The following DACH2 variants were observed in gnomAD, a reference collection of about 807,000 sequenced individuals.
DACH2 encodes dachshund family transcription factor 2.
DACH2 carries 17 observed loss-of-function variants against 35.8 expected under a neutral mutation model. The observed-to-expected ratio is 0.48, with a 90% CI of 0.33 to 0.71. DACH2 has a LOEUF of 0.71. DACH2 is among the 30% of genes least tolerant of loss of function. The pLI, the probability that DACH2 is intolerant of heterozygous loss-of-function variation, is 0.02. For missense variants in DACH2, 469 were observed against 472.7 expected (o/e 0.99, Z 0.07); for synonymous variants, 195 against 177.3 (o/e 1.10, Z -0.79).
chrX:86,154,462 C>T (rs1336911535), intron 1 of DACH2, among the ~76,000 whole-genome samples: 1 of 111,367 alleles, frequency 9.0e-6, no homozygotes, highest in Non-Finnish European at 1.9e-5. Flanking sequence ...CCATCTCAAC[C>T]TGCAAAACTC....
At chrX:86,397,287 T>G (rs2036315679) in intron 2 of DACH2, among the ~76,000 whole-genome samples, 1 of 111,774 alleles carries the variant, frequency 8.9e-6, no homozygotes, top group South Asian at 3.8e-4. Context: ...AAGGAGATTT[T>G]GGGCTGAGAC....
chrX:86,296,689 A>G (rs1314181196), intron 1 of DACH2, among the ~76,000 whole-genome samples: 1 of 111,359 alleles, frequency 9.0e-6, no homozygotes, highest in Non-Finnish European at 1.9e-5. Context: ...TTTGAGATGT[A>G]CACATACATA....
At chrX:86,177,764 C>A (rs145126488) in intron 1 of DACH2, among the ~76,000 whole-genome samples, 2,100 of 110,947 alleles carry the variant, frequency 0.019, 61 homozygotes, top group African/African-American at 0.065. Flanking sequence ...TATTAAGACT[C>A]TTGTTTAGGG....
At chrX:86,563,220 G>C (rs2039249005) in intron 3 of DACH2, among the ~76,000 whole-genome samples, 1 of 110,166 alleles carries the variant, frequency 9.1e-6, no homozygotes, top group African/African-American at 3.3e-5. Context: ...AAATAGTAGG[G>C]AGTTTTAAAG....
chrX:86,779,420 T>A (rs753440169), intron 7 of DACH2, among the ~76,000 whole-genome samples: 24 of 110,997 alleles, frequency 2.2e-4, no homozygotes, highest in Non-Finnish European at 3.2e-4. Context: ...ATTAAAGGGG[T>A]CCAGATCATG....
At chrX:86,301,171 A>G (rs2034568396) in intron 1 of DACH2, among the ~76,000 whole-genome samples, 1 of 112,104 alleles carries the variant, frequency 8.9e-6, no homozygotes, top group Admixed American at 9.5e-5. Flanking sequence ...TTTCTCTTAC[A>G]TCAGTCATGG....
At chrX:86,328,968 A>G (rs771526709) in intron 1 of DACH2, among the ~76,000 whole-genome samples, 6 of 111,773 alleles carry the variant, frequency 5.4e-5, no homozygotes, top group South Asian at 7.6e-4. Flanking sequence ...ATTAAAGATC[A>G]GAGTGTTGTT....
intron 3 of DACH2, among the ~76,000 whole-genome samples, chrX:86,536,396 G>A (rs2038801311): frequency 9.0e-6 from 1 of 111,520 alleles, no homozygotes; most frequent in Admixed American, 9.5e-5. Flanking sequence ...TTTTGAAATG[G>A]CCCTGCAAAG....
intron 2 of DACH2, among the ~76,000 whole-genome samples, chrX:86,431,175 C>G (rs934618567): frequency 3.6e-5 from 4 of 111,519 alleles, no homozygotes; most frequent in Non-Finnish European, 7.5e-5. Context: ...CTGCAAAAAG[C>G]AAATTTGCAT....
chrX:86,565,830 C>T (rs1372889621), intron 3 of DACH2, among the ~76,000 whole-genome samples: 2 of 111,020 alleles, frequency 1.8e-5, no homozygotes, highest in African/African-American at 6.5e-5. Context: ...TATTTCAAGT[C>T]CTTCTGTACA....
chrX:86,532,478 A>G (rs1298709055), intron 3 of DACH2, among the ~76,000 whole-genome samples: 1 of 103,489 alleles, frequency 9.7e-6, no homozygotes, highest in African/African-American at 3.7e-5. Context: ...GTTTTGAAGT[A>G]TAGCTCTCTC....
intron 2 of DACH2, among the ~76,000 whole-genome samples, chrX:86,463,374 A>T (rs1431337129): frequency 9.1e-6 from 1 of 110,427 alleles, no homozygotes; most frequent in African/African-American, 3.3e-5. Flanking sequence ...GGTGTAGAAC[A>T]TCTACAACCA....
chrX:86,191,388 A>G (rs2147892506), intron 1 of DACH2, among the ~76,000 whole-genome samples: 1 of 111,715 alleles, frequency 9.0e-6, no homozygotes, highest in Non-Finnish European at 1.9e-5. Flanking sequence ...AGAAAACCAA[A>G]TACTGCATGT....
intron 3 of DACH2, among the ~76,000 whole-genome samples, chrX:86,532,253 G>A (rs1457204792): frequency 8.9e-6 from 1 of 111,919 alleles, no homozygotes; most frequent in Non-Finnish European, 1.9e-5. Context: ...TGTTGGGAAG[G>A]CATGATTGGT....
chrX:86,657,111 G>C (rs901209938), intron 4 of DACH2, among the ~76,000 whole-genome samples: 3 of 107,294 alleles, frequency 2.8e-5, no homozygotes, highest in Non-Finnish European at 5.8e-5. Context: ...GAGGTGAGGA[G>C]GTGATGTGGG....
At chrX:86,668,526 T>C (rs974281078) in intron 4 of DACH2, among the ~76,000 whole-genome samples, 1 of 111,939 alleles carries the variant, frequency 8.9e-6, no homozygotes, top group East Asian at 2.8e-4. Context: ...TTAATGGAAA[T>C]GTATTTTGTT....
intron 3 of DACH2, among the ~76,000 whole-genome samples, chrX:86,562,713 G>A (rs1693526567): frequency 9.0e-6 from 1 of 111,221 alleles, no homozygotes; most frequent in African/African-American, 3.3e-5. Context: ...AGCTTAGGAA[G>A]GTTTTGTTTG....
At chrX:86,556,139 T>C (rs1434402515) in intron 3 of DACH2, among the ~76,000 whole-genome samples, 1 of 111,120 alleles carries the variant, frequency 9.0e-6, no homozygotes, top group Non-Finnish European at 1.9e-5. Flanking sequence ...ATAACAGAAC[T>C]CATAGAATCC....
intron 5 of DACH2, among the ~76,000 whole-genome samples, chrX:86,700,708 C>T (rs1602812056): frequency 9.1e-6 from 1 of 109,984 alleles, no homozygotes; most frequent in Non-Finnish European, 1.9e-5. Flanking sequence ...TCCTCAGAGA[C>T]TTACTATAAA....
Sources: gnomAD v4.1 joint callset for allele counts (sites outside exome capture counted in the v4.1 genomes callset) on GRCh38, gnomAD v4.1.1 for gene constraint, MANE v1.5 for transcripts, NCBI Gene and HGNC (gene_info 2026-07-23, HGNC 2026-07-21) for gene names.